The following LRP1B variants were observed in gnomAD, a reference collection of about 807,000 sequenced individuals.
LRP1B encodes the protein low-density lipoprotein receptor-related protein 1B.
In LRP1B, 217 loss-of-function variants were observed where a neutral mutation model predicts 556.6. The observed-to-expected ratio is 0.39, with a 90% confidence interval of 0.35 to 0.44. The LOEUF (loss-of-function observed/expected upper bound fraction) is 0.44, where lower values mean the gene tolerates loss of function less well. Among genes scored for constraint, LRP1B ranks in the 20% least tolerant of loss-of-function variants. LRP1B has a pLI of 1.00. For synonymous variants in LRP1B, 2,047 were observed against 1,865.8 expected (o/e 1.10, Z -2.50); for missense variants, 5,053 against 5,620.8 (o/e 0.90, Z 3.23).
intron 29 of LRP1B, among the ~76,000 whole-genome samples, chr2:140,842,480 C>T (rs540362102): frequency 1.3e-5 from 2 of 152,332 alleles, no homozygotes; most frequent in East Asian, 3.9e-4. Context: ...CAAGAACCCT[C>T]TCACTCTGCA....
chr2:140,973,829 A>G (rs1696510376), intron 18 of LRP1B, among the ~76,000 whole-genome samples: 1 of 152,162 alleles, frequency 6.6e-6, no homozygotes, highest in African/African-American at 2.4e-5. Context: ...CTATATTCAT[A>G]TATTTCTGCA....
chr2:140,439,916 C>A (rs4293513), intron 66 of LRP1B, among the ~76,000 whole-genome samples: 48,475 of 151,750 alleles, frequency 0.32, 8,239 homozygotes, highest in African/African-American at 0.35. Context: ...TTAATTCCCC[C>A]CATTATATGT....
intron 1 of LRP1B, among the ~76,000 whole-genome samples, chr2:142,052,377 C>T (rs571034872): frequency 6.6e-6 from 1 of 152,124 alleles, no homozygotes; most frequent in African/African-American, 2.4e-5. Context: ...ATAGGAAAAG[C>T]TAGGGAGAAA....
intron 86 of LRP1B, among the ~76,000 whole-genome samples, chr2:140,267,246 A>C (rs1361514195): frequency 1.3e-5 from 2 of 151,980 alleles, no homozygotes; most frequent in Non-Finnish European, 2.9e-5. Flanking sequence ...TTAGTAAAGG[A>C]ATTGATGAAT....
intron 1 of LRP1B, among the ~76,000 whole-genome samples, chr2:141,903,695 C>T (rs951930594): frequency 1.3e-5 from 2 of 151,796 alleles, no homozygotes; most frequent in African/African-American, 2.4e-5. Flanking sequence ...ATTGGTGAAA[C>T]GTTTAAAGAA....
chr2:140,700,509 A>T lies in LRP1B; in HGVS notation c.6540T>A (p.Val2180=), dbSNP rs2105421342. 2 of 1,613,568 alleles carry T rather than the reference A, an allele frequency of 1.2e-6. No individual in the cohort carries two copies. Among genetic ancestry groups the T allele is most frequent in the South Asian group, 1.1e-5 (1 of 91,068 alleles). ...CAHGYLAEDG[V]TCLRHEGYLL... The stretch of plus-strand genomic sequence containing the variant: ...AATAGCCTTCATGCCTCAGGCAAGT[A>T]ACTCCATCTTCTGCCAAATATCCAT... Residue 2180 remains valine, a synonymous_variant, in exon 41 of 91, where the codon GTT becomes GTA. Transcript: ENST00000389484.
intron 18 of LRP1B, among the ~76,000 whole-genome samples, chr2:140,965,827 A>T (rs1243225741): frequency 1.4e-5 from 2 of 146,826 alleles, no homozygotes; most frequent in Non-Finnish European, 3.0e-5. Flanking sequence ...TCCCTGCAAT[A>T]GTTTGCTGAG....
At chr2:141,217,790 A>T (rs1179881728) in intron 6 of LRP1B, among the ~76,000 whole-genome samples, 1 of 152,200 alleles carries the variant, frequency 6.6e-6, no homozygotes, top group Non-Finnish European at 1.5e-5. Flanking sequence ...TAAAGTAAAC[A>T]GACAACTTAC....
At chr2:141,477,972 A>G (rs1489986905) in intron 3 of LRP1B, among the ~76,000 whole-genome samples, 1 of 152,164 alleles carries the variant, frequency 6.6e-6, no homozygotes, top group Non-Finnish European at 1.5e-5. Flanking sequence ...GCAAAAAAAA[A>G]AAAGTTGTCA....
At chr2:140,998,669 A>T (rs1697324214) in intron 15 of LRP1B, among the ~76,000 whole-genome samples, 1 of 151,988 alleles carries the variant, frequency 6.6e-6, no homozygotes, top group Non-Finnish European at 1.5e-5. Context: ...TCCTTAATCA[A>T]TCATGTAGCA....
chr2:141,883,947 C>G (rs1386878952), intron 1 of LRP1B, among the ~76,000 whole-genome samples: 1 of 152,150 alleles, frequency 6.6e-6, no homozygotes, highest in Admixed American at 6.5e-5. Context: ...ATGTAATTGT[C>G]ATGAAAGGAA....
At chr2:140,711,203 A>G (rs1302511554) in intron 37 of LRP1B, among the ~76,000 whole-genome samples, 1 of 152,004 alleles carries the variant, frequency 6.6e-6, no homozygotes, top group Non-Finnish European at 1.5e-5. Context: ...ACCTGTCACA[A>G]TTACACACCA....
chr2:141,658,849 T>C (rs1558786176), intron 2 of LRP1B, among the ~76,000 whole-genome samples: 1 of 152,120 alleles, frequency 6.6e-6, no homozygotes. Context: ...GAAGGGACAC[T>C]GAGAGACAAA....
intron 86 of LRP1B, among the ~76,000 whole-genome samples, chr2:140,250,805 A>G (rs1681377599): frequency 6.6e-6 from 1 of 151,754 alleles, no homozygotes; most frequent in African/African-American, 2.4e-5. Flanking sequence ...ACACTTCAAG[A>G]AATATTCGAG....
intron 7 of LRP1B, among the ~76,000 whole-genome samples, chr2:141,077,249 AAAAC>A (rs754320253): frequency 6.8e-5 from 9 of 131,434 alleles, no homozygotes; most frequent in Admixed American, 3.1e-4. Flanking sequence ...CTCCAACTAA[AAAAC>A]AAACAAAAAC....
chr2:141,433,765 G>A (rs997441617), intron 3 of LRP1B, among the ~76,000 whole-genome samples: 3 of 151,694 alleles, frequency 2.0e-5, no homozygotes, highest in African/African-American at 7.3e-5. Flanking sequence ...TTTCCTACAT[G>A]GAGTTTGTTG....
intron 2 of LRP1B, among the ~76,000 whole-genome samples, chr2:141,690,680 G>A (rs539316839): frequency 6.6e-6 from 1 of 150,584 alleles, no homozygotes. Context: ...CCTAAAACTG[G>A]CACTCTGATA....
At chr2:141,945,662 G>A (rs1558978421) in intron 1 of LRP1B, among the ~76,000 whole-genome samples, 1 of 151,646 alleles carries the variant, frequency 6.6e-6, no homozygotes, top group Non-Finnish European at 1.5e-5. Context: ...TGCCCACCCA[G>A]TTTTACTCAT....
chr2:141,090,519 G>A lies in LRP1B; in HGVS notation c.1014-28246C>T, dbSNP rs1700148798. Among the ~76,000 whole-genome samples the A allele has an allele frequency of 2.0e-5, 3 of 152,120 alleles. 1 individual carries two copies. In the South Asian group the frequency reaches 6.2e-4, roughly 31 times the overall value. On this transcript the variant is annotated intron_variant, in intron 7 of 90. Transcript: ENST00000389484. ...GCTAGCTTTTTGAAAAATATCTTTA[G>A]CATAGAAATGTCAGAAGTCTTTATC...
Sources: gnomAD v4.1 joint callset for allele counts (sites outside exome capture counted in the v4.1 genomes callset) on GRCh38, gnomAD v4.1.1 for gene constraint, MANE v1.5 for transcripts, NCBI Gene and HGNC (gene_info 2026-07-23, HGNC 2026-07-21) for gene names.